The following PCDHGA6 variants were observed in gnomAD, a reference collection of about 807,000 sequenced individuals.
PCDHGA6 encodes protocadherin gamma subfamily A, 6.
In PCDHGA6, 41 loss-of-function variants were observed where a neutral mutation model predicts 60.6. The ratio of observed to expected loss-of-function variants is 0.68; its 90% CI spans 0.53 to 0.88. The LOEUF (loss-of-function observed/expected upper bound fraction) is 0.88. Among genes scored for constraint, PCDHGA6 ranks in the 40% least tolerant of loss-of-function variants. The pLI is 0.00. For synonymous variants in PCDHGA6, 594 were observed against 524.4 expected, an observed-to-expected ratio of 1.13 and a Z score of -1.81; for missense variants, 1,312 against 1,203.0, an observed-to-expected ratio of 1.09 and a Z score of -1.34.
chr5:141,388,577 A>G, intron 1 of PCDHGA6: 1 of 1,613,868 alleles, frequency 6.2e-7, no homozygotes, highest in East Asian at 2.2e-5. Context: ...TACACGTTCT[A>G]GTGACTGATG....
rs1594666821 is a variant in PCDHGA6, at chr5:141,487,316, T to C, written c.2425-7491T>C. 6.2e-7 allele frequency: 1 copy of C among 1,614,164 alleles called. No individual in the cohort carries two copies. Among genetic ancestry groups the C allele is most frequent in the South Asian group, 1.1e-5 (1 of 91,080 alleles). On this transcript the variant is annotated intron_variant, in intron 1 of 3. Coordinates refer to ENST00000517434, the MANE Select transcript of PCDHGA6 (RefSeq NM_018919.3). This position sits in a 1 kb window ranked among gnomAD's most constrained non-coding sequence, Gnocchi z 5.0. ...CTCATTCGTGGCACTACTCTCTAAG[T>C]GTCTTCGTGGGGCAGCCTGTGGAGT... is the stretch of plus-strand genomic sequence containing the variant.
In PCDHGA6 at chr5:141,485,624, C is replaced by T; in HGVS notation, c.2425-9183C>T. 1 of 1,611,640 alleles carries T rather than the reference C, an allele frequency of 6.2e-7. No homozygotes were observed. The highest frequency in any genetic ancestry group is 1.1e-5 in the South Asian group (1 of 90,868). The stretch of plus-strand genomic sequence containing the variant: ...TGGGGAGGCAGCTCCTCCAGGACAG[C>T]GTTTCCCGTTGGAAAAGGCTCAGGA... On this transcript the variant is annotated intron_variant, in intron 1 of 3. Transcript: ENST00000517434. This position sits in a 1 kb window ranked among gnomAD's most constrained non-coding sequence, Gnocchi z 5.7.
intron 1 of PCDHGA6, chr5:141,408,761 G>A (rs1469424988): frequency 8.7e-6 from 14 of 1,610,446 alleles, no homozygotes; most frequent in Non-Finnish European, 1.2e-5. Flanking sequence ...AGTTAATTCC[G>A]ATGGTGGCAA....
At chr5:141,494,940 AG>A (rs888721888) in intron 2 of PCDHGA6, 75 bp downstream of exon 2, 1 of 1,610,860 alleles carries the variant, frequency 6.2e-7, no homozygotes, top group Non-Finnish European at 8.5e-7. Flanking sequence ...GAGATGGGGG[AG>A]GGCCCAGCAT....
intron 1 of PCDHGA6, chr5:141,408,641 T>G: frequency 6.2e-7 from 1 of 1,614,034 alleles, no homozygotes; most frequent in Non-Finnish European, 8.5e-7. Context: ...CGAATCTGCA[T>G]CCGCTGGTAC....
intron 1 of PCDHGA6, among the ~76,000 whole-genome samples, chr5:141,425,406 T>C (rs915792432): frequency 3.9e-5 from 6 of 152,222 alleles, no homozygotes; most frequent in Non-Finnish European, 7.3e-5. Flanking sequence ...TCTGTTAAGG[T>C]ATAACATATA....
In PCDHGA6 at chr5:141,490,770, C is replaced by T. The variant is rs774014462; in HGVS notation, c.2425-4037C>T. 1.2e-6 allele frequency: 2 copies of T among 1,614,120 alleles called. No individual in the cohort carries two copies. Among genetic ancestry groups the T allele is most frequent in the Non-Finnish European group, 8.5e-7 (1 of 1,179,968 alleles). ...CAGCCTCCTCCTTTGTGTATGTCAA[C>T]CCAGAGGATGGACGGATCTTTGCCC... On this transcript the variant is annotated intron_variant, in intron 1 of 3. Transcript: ENST00000517434. The surrounding 1 kb of genome is among the most constrained non-coding windows in gnomAD (Gnocchi z 5.4).
In PCDHGA6 at chr5:141,505,419, C is replaced by G. The variant is rs1303924776; in HGVS notation, c.2510C>G (p.Thr837Ser). 6 of 1,614,140 alleles carry G rather than the reference C, an allele frequency of 3.7e-6. No individual in the cohort carries two copies. The highest frequency in any genetic ancestry group is 4.2e-6 in the Non-Finnish European group (5 of 1,180,062). Residue 837 changes from threonine to serine, a missense_variant, in exon 3 of 4, where the codon ACC becomes AGC. Thr to Ser is a moderately conservative substitution (Grantham distance 58). Coordinates refer to ENST00000517434, the MANE Select transcript of PCDHGA6 (RefSeq NM_018919.3). ...SGSQNGDDTGTWPNNQFDTEM... is the reference protein window; with the variant it reads ...SGSQNGDDTGSWPNNQFDTEM... ...TCCCAAAATGGCGATGACACCGGCACCTGGCCCAACAACCAGTTTGACACA... is the reference window on the plus strand; with the variant it reads ...TCCCAAAATGGCGATGACACCGGCAGCTGGCCCAACAACCAGTTTGACACA...
At position 141,394,009 on chromosome 5, in the gene PCDHGA6, G is replaced by C. The variant is rs1554094356; in HGVS notation, c.2424+17502G>C. The C allele has an allele frequency of 1.2e-6, 2 of 1,613,394 alleles. No homozygotes were observed. Among genetic ancestry groups the C allele is most frequent in the Admixed American group, 3.3e-5 (2 of 59,950 alleles). On this transcript the variant is annotated intron_variant, in intron 1 of 3. Coordinates refer to ENST00000517434, the MANE Select transcript of PCDHGA6 (RefSeq NM_018919.3). ...CCTTTTAAATTAGAAAAGTCAATAG[G>C]TAATTATTATAGATTAGTGACAAGG... is the stretch of plus-strand genomic sequence containing the variant.
Position 141,485,598 on chromosome 5 carries a change from T to C in PCDHGA6, c.2425-9209T>C, listed in dbSNP as rs931717579. 25 of 1,612,028 alleles carry C rather than the reference T, an allele frequency of 1.6e-5. No individual in the cohort carries two copies. Among genetic ancestry groups the C allele is most frequent in the African/African-American group, 2.7e-5 (2 of 74,838 alleles). ...CCGCGGCAGCAGCTGGACTTGGAAA[T>C]TGGGGAGGCAGCTCCTCCAGGACAG... On this transcript the variant is annotated intron_variant, in intron 1 of 3. Transcript: ENST00000517434. This position sits in a 1 kb window ranked among gnomAD's most constrained non-coding sequence, Gnocchi z 5.7.
intron 1 of PCDHGA6, among the ~76,000 whole-genome samples, chr5:141,451,829 C>T (rs564970982): frequency 1.2e-4 from 18 of 151,422 alleles, no homozygotes; most frequent in African/African-American, 4.1e-4. Flanking sequence ...TACAGTGAGC[C>T]GAGATCACAC....
rs147506725 is a variant in PCDHGA6, at chr5:141,442,240, G to A, written c.2425-52567G>A. Reference sequence around the variant, plus strand: ...CTTTAATTTCCTTTTTATTCTTCCTGATTGCATTGTTTGTGCTGGTTTTAA... The same window carrying A: ...CTTTAATTTCCTTTTTATTCTTCCTAATTGCATTGTTTGTGCTGGTTTTAA... On this transcript the variant is annotated intron_variant, in intron 1 of 3. Transcript: ENST00000517434. 1,291 of 153,334 alleles carry A rather than the reference G, an allele frequency of 8.4e-3. 26 individuals carry two copies. The highest frequency in any genetic ancestry group is 0.029 in the African/African-American group (1,208 of 41,552). 9.5% of individuals were successfully genotyped at this position (153,334 alleles called of 1,614,324 possible).
intron 1 of PCDHGA6, among the ~76,000 whole-genome samples, chr5:141,467,702 C>T (rs2099149453): frequency 6.6e-6 from 1 of 152,086 alleles, no homozygotes; most frequent in South Asian, 2.1e-4. Context: ...GGCTCTGTTG[C>T]CCAGGCTGGA....
chr5:141,434,667 G>T (rs1464226862), intron 1 of PCDHGA6, among the ~76,000 whole-genome samples: 3 of 152,074 alleles, frequency 2.0e-5, no homozygotes, highest in East Asian at 3.9e-4. Context: ...CTATAGAAAT[G>T]ATGCTAATGA....
intron 1 of PCDHGA6, chr5:141,409,913 G>C (rs769370742): frequency 1.9e-6 from 3 of 1,613,334 alleles, no homozygotes; most frequent in East Asian, 2.2e-5. Flanking sequence ...GGGTCCTGAC[G>C]GCTCCGCGTT....
At chr5:141,382,828 G>T (rs986779175) in intron 1 of PCDHGA6, 1 of 1,372,334 alleles carries the variant, frequency 7.3e-7, no homozygotes. Context: ...AGACAGAGGG[G>T]TCCACCCGGA....
In PCDHGA6 at chr5:141,412,947, C is replaced by T. The variant is rs930035804; in HGVS notation, c.2424+36440C>T. On this transcript the variant is annotated intron_variant, in intron 1 of 3. Coordinates refer to ENST00000517434, the MANE Select transcript of PCDHGA6 (RefSeq NM_018919.3). ...AGTAACTTCTTAGGACTCTGAGCGC[C>T]GCTGTTCACCTACTAGGAGAGAAAA... is the stretch of plus-strand genomic sequence containing the variant. The T allele has an allele frequency of 2.3e-5, 11 of 475,008 alleles. No individual in the cohort carries two copies. The Middle Eastern group carries it at 2.2e-3, about 94-fold the overall frequency. 29.4% of individuals were successfully genotyped at this position (475,008 alleles called of 1,614,324 possible). A position where few individuals can be genotyped will look rare whatever the true frequency, so the allele number is the denominator to read the frequency against.
intron 1 of PCDHGA6, chr5:141,390,221 C>T (rs764241687): frequency 5.8e-5 from 94 of 1,614,004 alleles, no homozygotes; most frequent in African/African-American, 2.0e-4. Context: ...ACATACTTTG[C>T]GGTGATTCAT....
Position 141,486,986 on chromosome 5 carries a change from T to C in PCDHGA6, c.2425-7821T>C. Reference sequence around the variant, plus strand: ...GGACTTGGATTCAGGTTACAATGCTTGGGTTTCCTATCAGCTCCTGGAGGC... The same window carrying C: ...GGACTTGGATTCAGGTTACAATGCTCGGGTTTCCTATCAGCTCCTGGAGGC... On this transcript the variant is annotated intron_variant, in intron 1 of 3. Coordinates refer to ENST00000517434, the MANE Select transcript of PCDHGA6 (RefSeq NM_018919.3). The surrounding 1 kb of genome is among the most constrained non-coding windows in gnomAD (Gnocchi z 5.0). 6.2e-7 allele frequency: 1 copy of C among 1,614,214 alleles called. No homozygotes were observed. Among genetic ancestry groups the C allele is most frequent in the South Asian group, 1.1e-5 (1 of 91,088 alleles).
Sources: gnomAD v4.1 joint callset for allele counts (sites outside exome capture counted in the v4.1 genomes callset) on GRCh38, gnomAD v4.1.1 for gene constraint, Gnocchi (gnomAD v3.1) non-coding constraint, MANE v1.5 for transcripts, NCBI Gene and HGNC (gene_info 2026-07-23, HGNC 2026-07-21) for gene names.